Variants in ST6GALNAC3 observed in about 807,000 individuals in gnomAD.
ST6GALNAC3 encodes alpha-N-acetylgalactosaminide alpha-2,6-sialyltransferase 3.
A neutral mutation model predicts 32.7 loss-of-function variants in ST6GALNAC3; 25 were observed. The ratio of observed to expected loss-of-function variants is 0.76; its 90% CI spans 0.56 to 1.07. ST6GALNAC3 has a LOEUF of 1.07. Ranked by LOEUF, ST6GALNAC3 falls within the 50% of genes least tolerant of loss-of-function variation. The pLI is 0.00. For synonymous variants in ST6GALNAC3, 129 were observed against 133.1 expected (o/e 0.97, Z 0.21); for missense variants, 355 against 382.4 (o/e 0.93, Z 0.60).
Position 76,363,434 on chromosome 1 carries a change from C to T in ST6GALNAC3, c.214-48574C>T, listed in dbSNP as rs546525797. ...TGGACTTCATTGTTCACATCACTATCAGCACTTTTGTTGAAACCATTCAAC... is the reference window on the plus strand; with the variant it reads ...TGGACTTCATTGTTCACATCACTATTAGCACTTTTGTTGAAACCATTCAAC... On this transcript the variant is annotated intron_variant, in intron 2 of 4. Coordinates refer to ENST00000328299, the MANE Select transcript of ST6GALNAC3 (RefSeq NM_152996.4). Among the ~76,000 whole-genome samples the T allele has an allele frequency of 2.0e-5, 3 of 152,324 alleles. No individual in the cohort carries two copies. The East Asian group carries it at 5.8e-4, about 29-fold the overall frequency.
chr1:76,335,204 G>A (rs1647363907), intron 2 of ST6GALNAC3, among the ~76,000 whole-genome samples: 1 of 151,978 alleles, frequency 6.6e-6, no homozygotes, highest in African/African-American at 2.4e-5. Flanking sequence ...TCACAAATAG[G>A]GCAGGCTTGC....
intron 3 of ST6GALNAC3, among the ~76,000 whole-genome samples, chr1:76,566,135 C>A (rs1185181239): frequency 6.6e-6 from 1 of 152,130 alleles, no homozygotes; most frequent in Non-Finnish European, 1.5e-5. Flanking sequence ...ATCCTTGGAG[C>A]ACAGACGGAC....
intron 2 of ST6GALNAC3, among the ~76,000 whole-genome samples, chr1:76,358,600 A>T (rs965619638): frequency 2.0e-5 from 3 of 152,034 alleles, no homozygotes; most frequent in African/African-American, 7.2e-5. Flanking sequence ...GGCTACCCCC[A>T]TCCACATTTG....
intron 1 of ST6GALNAC3, among the ~76,000 whole-genome samples, chr1:76,112,265 T>A (rs1268334528): frequency 3.0e-5 from 3 of 99,804 alleles, no homozygotes; most frequent in East Asian, 3.7e-4. Flanking sequence ...ACCTCCTTCC[T>A]GGACAGGGCG....
Position 76,360,994 on chromosome 1 carries a change from G to A in ST6GALNAC3, c.213+46995G>A, listed in dbSNP as rs375851653. Among the ~76,000 whole-genome samples, 53 of 152,176 alleles carry A rather than the reference G, an allele frequency of 3.5e-4. No individual in the cohort carries two copies. In the South Asian group the frequency reaches 0.01, roughly 30 times the overall value. ...GAAGGCCAGGGTTTCATGGACCTCT[G>A]ATTTCTCTCCAAATGAGTGATGAAT... On this transcript the variant is annotated intron_variant, in intron 2 of 4. Coordinates refer to ENST00000328299, the MANE Select transcript of ST6GALNAC3 (RefSeq NM_152996.4).
rs571166023 is a variant in ST6GALNAC3, at chr1:76,484,801, G to A, written c.623+72384G>A. The stretch of plus-strand genomic sequence containing the variant: ...AGAGACGCATCCCTGTCTTGTGCCA[G>A]TTTTCAAAGGGAATGCTTCCAGTTT... On this transcript the variant is annotated intron_variant, in intron 3 of 4. Transcript: ENST00000328299. 2.6e-5 allele frequency among the ~76,000 whole-genome samples: 4 copies of A among 152,234 alleles called. No homozygotes were observed. The South Asian group carries it at 8.3e-4, about 32-fold the overall frequency.
intron 1 of ST6GALNAC3, among the ~76,000 whole-genome samples, chr1:76,170,292 C>T (rs1175093526): frequency 6.6e-6 from 1 of 152,114 alleles, no homozygotes; most frequent in East Asian, 1.9e-4. Context: ...GTGTTCACCA[C>T]AGTGGCAGAA....
chr1:76,526,905 C>T (rs1368431908), intron 3 of ST6GALNAC3, among the ~76,000 whole-genome samples: 1 of 152,026 alleles, frequency 6.6e-6, no homozygotes, highest in Admixed American at 6.6e-5. Flanking sequence ...GTAGAAAATT[C>T]TCTGATTGTT....
chr1:76,185,560 T>G (rs1380193021), intron 1 of ST6GALNAC3, among the ~76,000 whole-genome samples: 2 of 152,170 alleles, frequency 1.3e-5, no homozygotes, highest in Non-Finnish European at 2.9e-5. Context: ...ACTCTGAATT[T>G]TACTCTGGGC....
At chr1:76,216,942 C>T (rs1401381634) in intron 1 of ST6GALNAC3, among the ~76,000 whole-genome samples, 1 of 152,182 alleles carries the variant, frequency 6.6e-6, no homozygotes, top group East Asian at 1.9e-4. Context: ...CACATCATCC[C>T]TTGTTATTTT....
At chr1:76,370,177 T>G (rs904695682) in intron 2 of ST6GALNAC3, among the ~76,000 whole-genome samples, 1 of 152,166 alleles carries the variant, frequency 6.6e-6, no homozygotes, top group Non-Finnish European at 1.5e-5. Flanking sequence ...CATTTTCACA[T>G]ACAAGGATTC....
intron 1 of ST6GALNAC3, among the ~76,000 whole-genome samples, chr1:76,096,757 A>T (rs1167824387): frequency 6.6e-6 from 1 of 151,936 alleles, no homozygotes; most frequent in Non-Finnish European, 1.5e-5. Context: ...CCCACTTTCA[A>T]CCCTTCCCGT....
intron 3 of ST6GALNAC3, among the ~76,000 whole-genome samples, chr1:76,570,477 A>G (rs933412624): frequency 2.0e-5 from 3 of 151,904 alleles, no homozygotes; most frequent in Non-Finnish European, 4.4e-5. Context: ...CCAATCTCAT[A>G]CCTTCCTCTA....
At chr1:76,517,851 T>C (rs75513895) in intron 3 of ST6GALNAC3, among the ~76,000 whole-genome samples, 337 of 152,162 alleles carry the variant, frequency 2.2e-3, no homozygotes, top group African/African-American at 7.8e-3. Context: ...CTTGTCGTTC[T>C]TTGTTTTTGC....
At chr1:76,177,575 C>T (rs993915199) in intron 1 of ST6GALNAC3, among the ~76,000 whole-genome samples, 5 of 152,124 alleles carry the variant, frequency 3.3e-5, no homozygotes, top group Admixed American at 2.0e-4. Context: ...GTGCAGCTTT[C>T]TTCCCATCCG....
chr1:76,381,168 T>TAAA (rs71852050), intron 2 of ST6GALNAC3, among the ~76,000 whole-genome samples: 3 of 90,286 alleles, frequency 3.3e-5, no homozygotes, highest in Middle Eastern at 6.8e-3. Context: ...TTTGGGCTGC[T>TAAA]AAAAAAAAAA....
intron 1 of ST6GALNAC3, among the ~76,000 whole-genome samples, chr1:76,091,253 G>A (rs575508655): frequency 2.0e-5 from 3 of 152,288 alleles, no homozygotes; most frequent in South Asian, 4.1e-4. Flanking sequence ...AATATTCTTG[G>A]CAAATAAAGC....
At chr1:76,223,005 C>A (rs376534950) in intron 1 of ST6GALNAC3, among the ~76,000 whole-genome samples, 49 of 152,216 alleles carry the variant, frequency 3.2e-4, no homozygotes, top group African/African-American at 1.2e-3. Flanking sequence ...CCTCAAAGAA[C>A]TTAAAACAGA....
chr1:76,405,377 G>T (rs1254129747), intron 2 of ST6GALNAC3, among the ~76,000 whole-genome samples: 1 of 152,002 alleles, frequency 6.6e-6, no homozygotes, highest in Non-Finnish European at 1.5e-5. Context: ...TATTCAGAGA[G>T]AAAAAAGTAA....
Sources: allele counts gnomAD v4.1 joint callset (sites outside exome capture counted in the v4.1 genomes callset), GRCh38; gene constraint gnomAD v4.1.1; transcripts MANE v1.5; gene names NCBI Gene and HGNC (gene_info 2026-07-23, HGNC 2026-07-21).